RAG1: variants seen among roughly 807,000 people sequenced by gnomAD.
The protein encoded by RAG1 is V(D)J recombination-activating protein 1.
A neutral mutation model predicts 62.7 loss-of-function variants in RAG1; 35 were observed. The observed-to-expected ratio is 0.56, with a 90% CI of 0.43 to 0.74. The LOEUF (loss-of-function observed/expected upper bound fraction) is 0.74, where lower values mean the gene tolerates loss of function less well. RAG1 is among the 30% of genes least tolerant of loss of function. The probability of loss-of-function intolerance (pLI) is 0.00; values close to 1 mark genes in which losing one functional copy is unlikely to be tolerated. For missense variants in RAG1, 1,169 were observed against 1,278.6 expected (o/e 0.91, Z 1.31); for synonymous variants, 461 against 470.3 (o/e 0.98, Z 0.26).
At chr11:36,527,563 G>A (rs1860183633) in intron 2 of RAG1, among the ~76,000 whole-genome samples, 1 of 152,092 alleles carries the variant, frequency 6.6e-6, no homozygotes. Flanking sequence ...TATTGGCTAT[G>A]CGGGCTCTTT....
At chr11:36,566,268 A>G (rs995034477), upstream of RAG1, among the ~76,000 whole-genome samples, 2 of 151,906 alleles carry the variant, frequency 1.3e-5, no homozygotes, top group Non-Finnish European at 2.9e-5. Context: ...CAACCAACCA[A>G]CTCTGTTCAC....
At position 36,573,693 on chromosome 11, in the gene RAG1, A is replaced by C; in HGVS notation, c.389A>C (p.His130Pro). 6.2e-7 allele frequency: 1 copy of C among 1,614,150 alleles called. No individual in the cohort carries two copies. Among genetic ancestry groups the C allele is most frequent in the Non-Finnish European group, 8.5e-7 (1 of 1,180,028 alleles). The part of the protein sequence containing the change: ...ADEHNRRYPV[H>P]GPVDGKTLGL... ...GAGCACAACAGGAGATATCCAGTCC[A>C]TGGTCCTGTGGATGGTAAAACCCTA... The change falls in exon 2 of 2, where the codon CAT becomes CCT. Residue 130 changes from histidine to proline, a missense_variant. This residue lies in a region of RAG1 where 369 missense variants were observed against 335.3 expected (regional missense o/e 1.10). Coordinates refer to ENST00000299440, the MANE Select transcript of RAG1 (RefSeq NM_000448.3).
chr11:36,536,495 G>A (rs1261928708), downstream of RAG1, among the ~76,000 whole-genome samples: 3 of 152,036 alleles, frequency 2.0e-5, no homozygotes, highest in South Asian at 6.2e-4. Flanking sequence ...GAGTAAAAAG[G>A]AGCATCTAAG....
chr11:36,567,443 C>T (rs1850677511), upstream of RAG1: 1 of 152,154 alleles, frequency 6.6e-6, no homozygotes, highest in Non-Finnish European at 1.5e-5. Flanking sequence ...TGTTGATGTC[C>T]ATACTCGAGT....
chr11:36,545,204 A>G (rs186222464), intron 3 of RAG1, among the ~76,000 whole-genome samples: 171 of 152,294 alleles, frequency 1.1e-3, no homozygotes, highest in African/African-American at 3.9e-3. Flanking sequence ...AATTAAATAG[A>G]TGTGGAATTT....
chr11:36,519,822 C>G (rs910859066), intron 1 of RAG1, among the ~76,000 whole-genome samples: 1 of 152,082 alleles, frequency 6.6e-6, no homozygotes, highest in African/African-American at 2.4e-5. Flanking sequence ...TCCCACCAAC[C>G]CACACCCACA....
At chr11:36,526,827 G>A (rs886840532) in intron 2 of RAG1, among the ~76,000 whole-genome samples, 35 of 152,180 alleles carry the variant, frequency 2.3e-4, no homozygotes, top group African/African-American at 8.2e-4. Flanking sequence ...TTTCTCTAAT[G>A]ACCAGTGATG....
At chr11:36,532,182 G>GA (rs895032424) in intron 2 of RAG1, among the ~76,000 whole-genome samples, 38 of 151,388 alleles carry the variant, frequency 2.5e-4, no homozygotes, top group Non-Finnish European at 5.2e-4. Flanking sequence ...AGAAATATTG[G>GA]AAAAAAAGAA....
intron 3 of RAG1, among the ~76,000 whole-genome samples, chr11:36,562,649 TC>T (rs1850606368): frequency 6.6e-6 from 1 of 152,198 alleles, no homozygotes; most frequent in African/African-American, 2.4e-5. Context: ...TTCTTCTTCC[TC>T]CTTGGGTGGG....
upstream of RAG1, chr11:36,510,418 C>G (rs747582143): frequency 1.6e-3 from 242 of 152,618 alleles, 5 homozygotes; most frequent in Middle Eastern, 6.8e-3. Context: ...GGCTTTCTTC[C>G]TGCTCGGGTG....
chr11:36,576,512 C>T lies in RAG1; in HGVS notation c.*76C>T. The T allele has an allele frequency of 7.2e-6, 11 of 1,536,146 alleles. No individual in the cohort carries two copies. Among genetic ancestry groups the T allele is most frequent in the Non-Finnish European group, 9.9e-6 (11 of 1,111,490 alleles). On this transcript the variant is annotated 3_prime_UTR_variant, in exon 2 of 2. Transcript: ENST00000299440. ...TTGCATTGAGGGCTTCTCCTAGCAC[C>T]CTTTACTGCTGTGTATGGGGCTTCA...
At chr11:36,523,300 A>G (rs567106641) in intron 2 of RAG1, among the ~76,000 whole-genome samples, 38 of 152,232 alleles carry the variant, frequency 2.5e-4, no homozygotes, top group African/African-American at 9.2e-4. Flanking sequence ...ATAATAGTGA[A>G]TAGGTCTCAT....
intron 1 of RAG1, among the ~76,000 whole-genome samples, chr11:36,572,739 T>C (rs1251521268): frequency 2.0e-5 from 3 of 152,246 alleles, no homozygotes. Context: ...TCCTTTCAAG[T>C]AGTGAATAAT....
chr11:36,578,967 C>G lies in RAG1; in HGVS notation c.*2531C>G, dbSNP rs1008606987. On this transcript the variant is annotated 3_prime_UTR_variant, in exon 2 of 2. Coordinates refer to ENST00000299440, the MANE Select transcript of RAG1 (RefSeq NM_000448.3). ...TGAATCTACAAGTTTTCCTGCCAAG[C>G]CACTCAGGTGCATTGCAGGGACCAG... 6.0e-6 allele frequency: 1 copy of G among 167,058 alleles called. No individual in the cohort carries two copies. The highest frequency in any genetic ancestry group is 2.4e-5 in the African/African-American group (1 of 41,430). 10.3% of individuals were successfully genotyped at this position (167,058 alleles called of 1,614,324 possible).
intron 1 of RAG1, among the ~76,000 whole-genome samples, chr11:36,519,176 T>C (rs543179374): frequency 1.2e-3 from 187 of 152,262 alleles, no homozygotes; most frequent in Admixed American, 2.3e-3. Context: ...TGTTGTTTTC[T>C]GCACCAGTAA....
chr11:36,560,059 T>C (rs544371389), intron 3 of RAG1, among the ~76,000 whole-genome samples: 16 of 152,276 alleles, frequency 1.1e-4, no homozygotes, highest in African/African-American at 3.6e-4. Context: ...GTCGATTGGG[T>C]AAAGTGGTTT....
At position 36,574,721 on chromosome 11, in the gene RAG1, A is replaced by G. The variant is rs1850811373; in HGVS notation, c.1417A>G (p.Ile473Val). The part of the protein sequence containing the change: ...SGLQPAVCLA[I>V]RVNTFLSCSQ... ...CCTGCAGCCAGCTGTTTGCTTGGCC[A>G]TCCGTGTCAACACCTTCCTCAGCTG... Residue 473 changes from isoleucine to valine, a missense_variant, in exon 2 of 2, where the codon ATC becomes GTC. Transcript: ENST00000299440. 6.2e-7 allele frequency: 1 copy of G among 1,614,252 alleles called. No individual in the cohort carries two copies. Among genetic ancestry groups the G allele is most frequent in the Non-Finnish European group, 8.5e-7 (1 of 1,180,040 alleles).
chr11:36,523,628 A>G (rs1459728144), intron 2 of RAG1, among the ~76,000 whole-genome samples: 1 of 152,162 alleles, frequency 6.6e-6, no homozygotes, highest in Non-Finnish European at 1.5e-5. Context: ...CCATATTTAA[A>G]TTTCTCCAAA....
upstream of RAG1, among the ~76,000 whole-genome samples, chr11:36,564,533 T>C (rs1850634465): frequency 6.6e-6 from 1 of 152,194 alleles, no homozygotes. Context: ...GTCAAGAATA[T>C]AGGCTTTTCT....
Sources: allele counts gnomAD v4.1 joint callset (sites outside exome capture counted in the v4.1 genomes callset), GRCh38; gene constraint gnomAD v4.1.1; regional missense constraint gnomAD v4.1.1; transcripts MANE v1.5; gene names NCBI Gene and HGNC (gene_info 2026-07-23, HGNC 2026-07-21).